UGT2B7: variants seen among roughly 807,000 people sequenced by gnomAD.
UGT2B7 encodes UDP-glucuronosyltransferase 2B7.
UGT2B7 carries 51 observed loss-of-function variants against 51.9 expected under a neutral mutation model. The ratio of observed to expected loss-of-function variants is 0.98; its 90% CI spans 0.78 to 1.24. The LOEUF is 1.24. Ranked by LOEUF, UGT2B7 falls within the 50% of genes most tolerant of loss-of-function variation. The pLI is 0.00. For missense variants in UGT2B7, 727 were observed against 628.4 expected (o/e 1.16, Z -1.68); for synonymous variants, 225 against 211.6 (o/e 1.06, Z -0.55).
intron 1 of UGT2B7, among the ~76,000 whole-genome samples, chr4:69,060,479 C>T (rs1718320260): frequency 2.6e-5 from 4 of 152,142 alleles, no homozygotes; most frequent in African/African-American, 2.4e-5. Context: ...CAGGAGAAGG[C>T]CTTTAAGGAA....
At chr4:69,101,607 C>G (rs1719419661) in intron 2 of UGT2B7, among the ~76,000 whole-genome samples, 1 of 151,308 alleles carries the variant, frequency 6.6e-6, no homozygotes, top group South Asian at 2.1e-4. Context: ...CCTGGAATAG[C>G]AGTACAATGA....
chr4:69,103,070 T>C lies in UGT2B7; in HGVS notation c.1002+132T>C. 6.8e-6 allele frequency: 10 copies of C among 1,471,546 alleles called. No homozygotes were observed. In the South Asian group the frequency reaches 1.3e-4, roughly 19 times the overall value. The allele number at this position is 1,471,546 out of a possible 1,614,324, so 91.2% of individuals were successfully genotyped here. A position where few individuals can be genotyped will look rare whatever the true frequency, so the allele number is the denominator to read the frequency against. On this transcript the variant is annotated intron_variant, in intron 3 of 5. Coordinates refer to ENST00000305231, the MANE Select transcript of UGT2B7 (RefSeq NM_001074.4). ...TTGAAAAATTAGAACAAGGATAATC[T>C]TGGAGAAACTATGAGAAGTTTGAAA...
chr4:69,103,593 C>CA (rs1357479624), intron 3 of UGT2B7, among the ~76,000 whole-genome samples: 4 of 152,008 alleles, frequency 2.6e-5, no homozygotes, highest in East Asian at 1.9e-4. Flanking sequence ...GGTGTTTTCA[C>CA]AAAAAACGTA....
Position 69,053,986 on chromosome 4 carries a change from G to C in UGT2B7, c.-159+2384G>C, listed in dbSNP as rs189444695. On this transcript the variant is annotated intron_variant, in intron 1 of 5. Transcript: ENST00000502942. ...GTCTTCCAACTCTCATATCTATTTA[G>C]ATGCAATTAGAGCCCCGCAAGGAAT... 3.4e-3 allele frequency among the ~76,000 whole-genome samples: 519 copies of C among 152,230 alleles called. 5 individuals are homozygous for C. The highest frequency in any genetic ancestry group is 0.012 in the African/African-American group (495 of 41,534).
At chr4:69,108,985 A>G (rs1472529693) in intron 5 of UGT2B7, among the ~76,000 whole-genome samples, 1 of 151,578 alleles carries the variant, frequency 6.6e-6, no homozygotes, top group Non-Finnish European at 1.5e-5. Flanking sequence ...TATGAATGGA[A>G]TCATACAGTT....
At chr4:69,054,430 T>G (rs768337957) in intron 1 of UGT2B7, among the ~76,000 whole-genome samples, 6 of 152,136 alleles carry the variant, frequency 3.9e-5, no homozygotes, top group Non-Finnish European at 8.8e-5. Flanking sequence ...CTGTGGTGAT[T>G]TTAATAAATA....
At chr4:69,090,255 A>T (rs1216822276) in intron 2 of UGT2B7, among the ~76,000 whole-genome samples, 1 of 152,192 alleles carries the variant, frequency 6.6e-6, no homozygotes, top group African/African-American at 2.4e-5. Flanking sequence ...ATGTTTAATT[A>T]AAGTTCATAA....
At chr4:69,089,772 C>T (rs970025546) in intron 2 of UGT2B7, among the ~76,000 whole-genome samples, 4 of 152,138 alleles carry the variant, frequency 2.6e-5, no homozygotes, top group Admixed American at 2.6e-4. Flanking sequence ...TAATCATTTG[C>T]CTATGAATGC....
chr4:69,061,223 C>T (rs1718338427), intron 1 of UGT2B7, among the ~76,000 whole-genome samples: 1 of 152,126 alleles, frequency 6.6e-6, no homozygotes, highest in Non-Finnish European at 1.5e-5. Context: ...TATGCTTTTG[C>T]CACTTTGCAT....
At chr4:69,054,157 A>C (rs1032954382) in intron 1 of UGT2B7, among the ~76,000 whole-genome samples, 15 of 152,156 alleles carry the variant, frequency 9.9e-5, no homozygotes, top group Admixed American at 9.1e-4. Context: ...AAAAAAAAAA[A>C]AACTCATGTC....
At chr4:69,109,976 T>A (rs544116518) in intron 5 of UGT2B7, among the ~76,000 whole-genome samples, 2 of 151,306 alleles carry the variant, frequency 1.3e-5, no homozygotes, top group African/African-American at 4.8e-5. Context: ...CTTGGACAAA[T>A]AGAAAAAAAA....
intron 1 of UGT2B7, among the ~76,000 whole-genome samples, chr4:69,067,786 TC>T (rs1403929336): frequency 6.6e-6 from 1 of 152,150 alleles, no homozygotes; most frequent in Non-Finnish European, 1.5e-5. Flanking sequence ...TGTGTTTTTT[TC>T]GTTTGTTTTA....
At position 69,090,810 on chromosome 4, in the gene UGT2B7, C is replaced by T. The variant is rs74965482; in HGVS notation, c.-27+1207C>T. Among the ~76,000 whole-genome samples, 9 of 152,254 alleles carry T rather than the reference C, an allele frequency of 5.9e-5. No homozygotes were observed. In the East Asian group the frequency reaches 1.2e-3, roughly 20 times the overall value. ...CTTGACTTTACATGCCAATATTAGT[C>T]GACACAGTTGCTTGCTAAAGGAAAA... On this transcript the variant is annotated intron_variant, in intron 2 of 5. Coordinates refer to the UGT2B7 transcript ENST00000502942.
chr4:69,054,338 G>T (rs1217942178), intron 1 of UGT2B7, among the ~76,000 whole-genome samples: 1 of 152,200 alleles, frequency 6.6e-6, no homozygotes, highest in East Asian at 1.9e-4. Flanking sequence ...ATGTCCAAGG[G>T]CCCTGGCAGC....
At chr4:69,080,463 G>T (rs951798302) in intron 1 of UGT2B7, among the ~76,000 whole-genome samples, 1 of 150,688 alleles carries the variant, frequency 6.6e-6, no homozygotes, top group African/African-American at 2.4e-5. Context: ...CACAAGAATT[G>T]CATGAACCAA....
At chr4:69,070,845 T>C (rs1718585315) in intron 1 of UGT2B7, among the ~76,000 whole-genome samples, 1 of 152,062 alleles carries the variant, frequency 6.6e-6, no homozygotes, top group East Asian at 1.9e-4. Context: ...CTTGGCCAAC[T>C]CTCTTAGCGT....
intron 1 of UGT2B7, among the ~76,000 whole-genome samples, chr4:69,066,016 A>G (rs1452477983): frequency 6.6e-6 from 1 of 152,158 alleles, no homozygotes; most frequent in Non-Finnish European, 1.5e-5. Context: ...TAGTTGTTCC[A>G]TTTACTTCAG....
rs75414563 is a variant in UGT2B7 at position 69,075,736 on chromosome 4, T to C, written c.-158-13736T>C. The stretch of plus-strand genomic sequence containing the variant: ...TTTTCAAAATCCCCACAATTGAGGG[T>C]AGTTTGTTATAAAGTGATAAATAAC... On this transcript the variant is annotated intron_variant, in intron 1 of 5. Coordinates refer to the UGT2B7 transcript ENST00000502942. Among the ~76,000 whole-genome samples the C allele has an allele frequency of 5.2e-3, 796 of 152,096 alleles. 11 individuals carry two copies. The highest frequency in any genetic ancestry group is 0.018 in the African/African-American group (763 of 41,504).
chr4:69,086,585 TCTA>T (rs1488270484), intron 1 of UGT2B7, among the ~76,000 whole-genome samples: 1 of 151,918 alleles, frequency 6.6e-6, no homozygotes, highest in African/African-American at 2.4e-5. Context: ...GCTGCACTCT[TCTA>T]CTATTATCAT....
Sources: allele counts gnomAD v4.1 joint callset (sites outside exome capture counted in the v4.1 genomes callset), GRCh38; gene constraint gnomAD v4.1.1; transcripts MANE v1.5; gene names NCBI Gene and HGNC (gene_info 2026-07-23, HGNC 2026-07-21).